Variants in CYB561A3 observed in about 807,000 individuals in gnomAD.
The protein encoded by CYB561A3 is lysosomal membrane ascorbate-dependent ferrireductase CYB561A3.
Under a neutral mutation model 25.3 loss-of-function variants are expected in CYB561A3, and 16 were observed. That is an observed-to-expected ratio of 0.63 (90% CI 0.43 to 0.96). The LOEUF (loss-of-function observed/expected upper bound fraction) is 0.96. Ranked by LOEUF, CYB561A3 falls within the 40% of genes least tolerant of loss-of-function variation. CYB561A3 has a pLI of 0.00. For synonymous variants in CYB561A3, 131 were observed against 129.9 expected (o/e 1.01, Z -0.06); for missense variants, 219 against 307.5 (o/e 0.71, Z 2.15).
chr11:61,352,941 T>C, intron 5 of CYB561A3, 44 bp downstream of exon 5: 1 of 1,613,958 alleles, frequency 6.2e-7, no homozygotes, highest in Non-Finnish European at 8.5e-7. Flanking sequence ...GAAGACCCTA[T>C]TCCCTCCTCT....
chr11:61,353,517 T>A (rs1794480867), intron 4 of CYB561A3: 1 of 675,558 alleles, frequency 1.5e-6, no homozygotes, highest in Non-Finnish European at 2.7e-6. Flanking sequence ...GATGGCTGAT[T>A]AGAGTCAGCA....
At position 61,349,420 on chromosome 11, in the gene CYB561A3, G is replaced by C. The variant is rs1231837818; in HGVS notation, c.*979C>G. 1 of 638,648 alleles carries C rather than the reference G, an allele frequency of 1.6e-6. No individual in the cohort carries two copies. The highest frequency in any genetic ancestry group is 1.8e-5 in the African/African-American group (1 of 55,694). 39.6% of individuals were successfully genotyped at this position (638,648 alleles called of 1,614,324 possible). ...CAGAGGGGCTGGGGCCCTGCCAAGAGAGCAAGGCCAGACCTGCCCAGCGGG... is the reference window on the plus strand; with the variant it reads ...CAGAGGGGCTGGGGCCCTGCCAAGACAGCAAGGCCAGACCTGCCCAGCGGG... On this transcript the variant is annotated 3_prime_UTR_variant, in exon 7 of 7. Transcript: ENST00000294072.
At chr11:61,354,063 G>T in intron 3 of CYB561A3, 71 bp from the exon 4 acceptor site, 6 of 1,531,000 alleles carry the variant, frequency 3.9e-6, no homozygotes, top group Non-Finnish European at 4.5e-6. Flanking sequence ...GAATAACCCT[G>T]ATAGGATCCT....
At chr11:61,352,309 T>TA (rs1404417407) in intron 5 of CYB561A3, 3 of 152,226 alleles carry the variant, frequency 2.0e-5, no homozygotes, top group Non-Finnish European at 2.9e-5. Context: ...TTCCCTCATT[T>TA]TTTTTATTTT....
Position 61,356,933 on chromosome 11 carries a change from C to T in CYB561A3, c.-15-205G>A, listed in dbSNP as rs1192919611. 2.6e-5 allele frequency: 37 copies of T among 1,447,976 alleles called. No homozygotes were observed. The Admixed American group carries it at 1.0e-3, about 40-fold the overall frequency. The allele number at this position is 1,447,976 out of a possible 1,614,324, so 89.7% of individuals were successfully genotyped here. A position where few individuals can be genotyped will look rare whatever the true frequency, so the allele number is the denominator to read the frequency against. On this transcript the variant is annotated intron_variant, in intron 2 of 6. Transcript: ENST00000294072. ...TTCAGTCACAATGACTGAGGCCCCACCCCAGCACCTGGCAGTGCCCAGACA... is the reference window on the plus strand; with the variant it reads ...TTCAGTCACAATGACTGAGGCCCCATCCCAGCACCTGGCAGTGCCCAGACA...
At chr11:61,353,390 TC>T (rs1295479522) in intron 4 of CYB561A3, 1 of 599,978 alleles carries the variant, frequency 1.7e-6, no homozygotes, top group East Asian at 2.9e-5. Context: ...TGTCTCTGGT[TC>T]CTTCCAGTCC....
chr11:61,350,448 A>G, intron 6 of CYB561A3, 26 bp from the exon 7 acceptor site: 1 of 1,610,356 alleles, frequency 6.2e-7, no homozygotes, highest in Non-Finnish European at 8.5e-7. Flanking sequence ...GATGCCCAGG[A>G]GTTAATGACA....
At chr11:61,353,599 A>C (rs1857520574) in intron 4 of CYB561A3, 185 bp downstream of exon 4, 3 of 754,844 alleles carry the variant, frequency 4.0e-6, no homozygotes, top group Non-Finnish European at 7.0e-6. Context: ...GGATAAAAGG[A>C]ACAGGGTAAG....
In CYB561A3 at chr11:61,350,205, G is replaced by A; in HGVS notation, c.*194C>T. ...CGGAGAGGGCAGGCCCAGCACCCAG[G>A]CAAAGCCACCAAGGAAAGCAGACAG... On this transcript the variant is annotated 3_prime_UTR_variant, in exon 7 of 7. Transcript: ENST00000294072. The A allele has an allele frequency of 1.4e-6, 1 of 691,582 alleles. No individual in the cohort carries two copies. The highest frequency in any genetic ancestry group is 2.4e-6 in the Non-Finnish European group (1 of 420,770). 42.8% of individuals were successfully genotyped at this position (691,582 alleles called of 1,614,324 possible). A position where few individuals can be genotyped will look rare whatever the true frequency, so the allele number is the denominator to read the frequency against.
chr11:61,361,968 A>AC (rs1364679547), upstream of CYB561A3: 1 of 152,354 alleles, frequency 6.6e-6, no homozygotes, highest in South Asian at 2.1e-4. Flanking sequence ...AAGTCCGGAG[A>AC]CCAGGGGTGG....
chr11:61,357,105 T>C, intron 2 of CYB561A3: 4 of 1,487,360 alleles, frequency 2.7e-6, no homozygotes, highest in Non-Finnish European at 3.7e-6. Context: ...GGGACAGGAA[T>C]CAAAATCCAG....
rs780181791 is a variant in CYB561A3 at position 61,353,956 on chromosome 11, C to T, written c.221G>A (p.Gly74Glu). 1.9e-6 allele frequency: 3 copies of T among 1,613,978 alleles called. No individual in the cohort carries two copies. Among genetic ancestry groups the T allele is most frequent in the African/African-American group, 2.7e-5 (2 of 74,902 alleles). Reference sequence around the variant, plus strand: ...GAGGAGTTTCCAGGGCAGTTTGGGCCCCACCCACGACTGGGGCAGGCGGTA... The same window carrying T: ...GAGGAGTTTCCAGGGCAGTTTGGGCTCCACCCACGACTGGGGCAGGCGGTA... ...LVYRLPQSWV[G>E]PKLPWKLLHA... The change falls in exon 4 of 7, where the codon GGG becomes GAG. Residue 74 changes from glycine (G) to glutamate (E), a missense_variant. Physicochemically the swap from Gly to Glu is moderately conservative, Grantham distance 98. Coordinates refer to ENST00000294072, the MANE Select transcript of CYB561A3 (RefSeq NM_153611.6).
In CYB561A3 at chr11:61,351,057, C is replaced by T. The variant is rs778736934; in HGVS notation, c.639G>A (p.Leu213=). 5.6e-6 allele frequency: 9 copies of T among 1,613,876 alleles called. No individual in the cohort carries two copies. In the Admixed American group the frequency reaches 1.5e-4, roughly 27 times the overall value. The change falls in exon 6 of 7, where the codon CTG becomes CTA. Residue 213 remains leucine (L), a synonymous_variant. Transcript: ENST00000294072. The stretch of plus-strand genomic sequence containing the variant: ...ATGAAGCCAGAAGGATGTAGAGCAC[C>T]AGCAGCCCAAAGGCCACCACCAGCA... ...TGMLVVAFGL[L]VLYILLASSW...
At chr11:61,357,649 T>C (rs1857696728) in intron 2 of CYB561A3, 84 bp downstream of exon 2, 1 of 172,674 alleles carries the variant, frequency 5.8e-6, no homozygotes, top group Admixed American at 5.5e-5. Flanking sequence ...AAGGCAACAG[T>C]GTGGCTTCCT....
At chr11:61,353,698 A>T (rs921692744) in intron 4 of CYB561A3, 86 bp downstream of exon 4, 18 of 1,355,944 alleles carry the variant, frequency 1.3e-5, no homozygotes, top group Non-Finnish European at 1.9e-5. Context: ...CAGTGAGCAG[A>T]GGAATATTTG....
chr11:61,356,893 T>A, intron 2 of CYB561A3, 165 bp from the exon 3 acceptor site: 2 of 1,444,800 alleles, frequency 1.4e-6, no homozygotes, highest in Non-Finnish European at 1.8e-6. Flanking sequence ...CCTCAATGCC[T>A]GGGTGGGCCT....
intron 2 of CYB561A3, 41 bp from the exon 3 acceptor site, chr11:61,356,769 G>T: frequency 6.2e-7 from 1 of 1,601,902 alleles, no homozygotes; most frequent in East Asian, 2.2e-5. Flanking sequence ...TGGCTCAGAT[G>T]CACCCAGTTC....
rs886326560 is a variant in CYB561A3, at chr11:61,353,172, G to A, written c.394-33C>T. 7.0e-6 allele frequency: 11 copies of A among 1,561,688 alleles called. No homozygotes were observed. In the African/African-American group the frequency reaches 1.4e-4, roughly 19 times the overall value. ...CAAAAGGGAGGACACACCCGACTGT[G>A]CTATGTGTGACCAAAGCACATCCCA... On this transcript the variant is annotated intron_variant, in intron 4 of 6. Coordinates refer to ENST00000294072, the MANE Select transcript of CYB561A3 (RefSeq NM_153611.6).
intron 5 of CYB561A3, 132 bp downstream of exon 5, chr11:61,352,853 C>T (rs1857478441): frequency 6.6e-7 from 1 of 1,516,386 alleles, no homozygotes; most frequent in Non-Finnish European, 8.8e-7. Flanking sequence ...ATTCTGTTAC[C>T]TTCCAGATCA....
Sources: gnomAD v4.1 joint callset for allele counts on GRCh38, gnomAD v4.1.1 for gene constraint, MANE v1.5 for transcripts, NCBI Gene and HGNC (gene_info 2026-07-23, HGNC 2026-07-21) for gene names.